Variants in CTPS2 observed in about 807,000 individuals in gnomAD.
CTPS2 encodes CTP synthase 2, also known as CTP synthase II.
In CTPS2, 19 loss-of-function variants were observed where a neutral mutation model predicts 46.8. The observed-to-expected ratio is 0.41, with a 90% CI of 0.28 to 0.60. CTPS2 has a LOEUF of 0.60. CTPS2 is among the 20% of genes least tolerant of loss of function. The probability of loss-of-function intolerance (pLI) is 0.35; values close to 1 mark genes in which losing one functional copy is unlikely to be tolerated. For missense variants in CTPS2, 286 were observed against 447.6 expected (o/e 0.64, Z 3.26); for synonymous variants, 151 against 165.2 (o/e 0.91, Z 0.66).
At chrX:16,604,389 C>T (rs1929849313) in intron 17 of CTPS2, among the ~76,000 whole-genome samples, 1 of 112,598 alleles carries the variant, frequency 8.9e-6, no homozygotes, top group African/African-American at 3.2e-5. Context: ...TCTGATCTGA[C>T]AAATAAAAAC....
chrX:16,613,023 G>A lies in CTPS2; in HGVS notation c.1547-3338C>T, dbSNP rs1027486651. ...CTACAACGTTCAAAGGAGCCTTCTT[G>A]GACTTCAATTCTCCCCTCTGCTCGG... On this transcript the variant is annotated intron_variant, in intron 16 of 18. Coordinates refer to ENST00000359276, the MANE Select transcript of CTPS2 (RefSeq NM_175859.3). 5.4e-5 allele frequency among the ~76,000 whole-genome samples: 6 copies of A among 112,131 alleles called. No homozygotes were observed. In the Admixed American group the frequency reaches 5.7e-4, roughly 11 times the overall value.
chrX:16,660,424 A>G (rs1686590332), intron 13 of CTPS2, among the ~76,000 whole-genome samples: 2 of 78,180 alleles, frequency 2.6e-5, no homozygotes, highest in African/African-American at 1.1e-4. Flanking sequence ...TTATTTTTTG[A>G]GACAGTCTTG....
At position 16,702,147 on chromosome X, in the gene CTPS2, C is replaced by G. The variant is rs564073278; in HGVS notation, c.166+590G>C. Reference sequence around the variant, plus strand: ...TTGGCTCACTGCAACCTCCGCCTGCCAGGTTCAAGTGATTCTCCTGTCTCA... The same window carrying G: ...TTGGCTCACTGCAACCTCCGCCTGCGAGGTTCAAGTGATTCTCCTGTCTCA... On this transcript the variant is annotated intron_variant, in intron 2 of 18. Coordinates refer to ENST00000359276, the MANE Select transcript of CTPS2 (RefSeq NM_175859.3). 8.1e-5 allele frequency among the ~76,000 whole-genome samples: 9 copies of G among 110,703 alleles called. No individual in the cohort carries two copies. In the South Asian group the frequency reaches 3.4e-3, roughly 42 times the overall value.
At chrX:16,627,422 G>A (rs1237992471) in intron 14 of CTPS2, among the ~76,000 whole-genome samples, 3 of 112,113 alleles carry the variant, frequency 2.7e-5, no homozygotes, top group Middle Eastern at 4.6e-3. Context: ...ACATTTAAAC[G>A]TCAGGAGATT....
intron 2 of CTPS2, 112 bp from the exon 3 acceptor site, chrX:16,699,205 C>A: frequency 2.1e-6 from 1 of 468,307 alleles, no homozygotes; most frequent in Non-Finnish European, 3.4e-6. Flanking sequence ...AAGCCATATT[C>A]TATCACCATC....
In CTPS2 at chrX:16,693,459, C is replaced by T. The variant is rs1252252843; in HGVS notation, c.467G>A (p.Gly156Glu). The T allele has an allele frequency of 8.3e-6, 10 of 1,204,549 alleles. No individual in the cohort carries two copies. The highest frequency in any genetic ancestry group is 5.3e-5 in the South Asian group (3 of 56,299). Residue 156 changes from glycine (G) to glutamate (E), a missense_variant, in exon 5 of 19, where the codon GGA becomes GAA. Physicochemically the swap from Gly to Glu is moderately conservative, Grantham distance 98. Transcript: ENST00000359276. Reference sequence around the variant, plus strand: ...TCTAAACGCCTCCACAAACGGCATTCCTTCGATGTCTCCAATGGTGCCTCC... The same window carrying T: ...TCTAAACGCCTCCACAAACGGCATTTCTTCGATGTCTCCAATGGTGCCTCC... The part of the protein sequence containing the change: ...ELGGTIGDIE[G>E]MPFVEAFRQF...
At chrX:16,709,155 C>T (rs7063516) in intron 1 of CTPS2, among the ~76,000 whole-genome samples, 19,693 of 109,291 alleles carry the variant, frequency 0.18, 1,560 homozygotes, top group Middle Eastern at 0.31. Context: ...TGGCCGGGCA[C>T]GGTGGCTCAC....
chrX:16,604,390 A>G (rs1409140764), intron 17 of CTPS2, among the ~76,000 whole-genome samples: 1 of 112,771 alleles, frequency 8.9e-6, no homozygotes, highest in African/African-American at 3.2e-5. Context: ...CTGATCTGAC[A>G]AATAAAAACT....
rs5901588 is a variant in CTPS2 at position 16,593,477 on chromosome X, C to CTTT, written c.1692-2618_1692-2616dup. ...GAATTCCCTAACAGGTGAAATTTTA[C>CTTT]TTTTTTTTTTTTTTTTGAGGAAAGG... is the stretch of plus-strand genomic sequence containing the variant. On this transcript the variant is annotated intron_variant, in intron 17 of 18. Transcript: ENST00000359276. Among the ~76,000 whole-genome samples the CTTT allele has an allele frequency of 2.9e-3, 248 of 85,174 alleles. 1 individual carries two copies. Among genetic ancestry groups the CTTT allele is most frequent in the African/African-American group, 5.7e-3 (127 of 22,341 alleles). The allele number at this position is 85,174 out of a possible 115,157, so 74.0% of individuals were successfully genotyped here.
chrX:16,639,443 C>G (rs1931934571), intron 13 of CTPS2, among the ~76,000 whole-genome samples, 200 bp from the exon 14 acceptor site: 1 of 111,283 alleles, frequency 9.0e-6, no homozygotes, highest in Admixed American at 9.6e-5. Context: ...CCATCTGCTT[C>G]TCATCTTTCA....
Position 16,590,746 on chromosome X carries a change from T to C in CTPS2, c.*41+6A>G, listed in dbSNP as rs1469586517. 1.1e-6 allele frequency: 1 copy of C among 937,383 alleles called. No homozygotes were observed. The highest frequency in any genetic ancestry group is 2.3e-5 in the Admixed American group (1 of 44,137). 77.3% of individuals were successfully genotyped at this position (937,383 alleles called of 1,213,427 possible). A position where few individuals can be genotyped will look rare whatever the true frequency, so the allele number is the denominator to read the frequency against. On this transcript the variant is annotated splice_donor_region_variant and intron_variant, in intron 18 of 18. Transcript: ENST00000359276. ...AAATGAACAATCCTCGAAGATTCCA[T>C]CTTACCCTCACAGGCAGTCCCCATT...
chrX:16,657,541 T>C (rs190096650), intron 13 of CTPS2, among the ~76,000 whole-genome samples: 173 of 111,253 alleles, frequency 1.6e-3, no homozygotes, highest in African/African-American at 5.4e-3. Context: ...CAGTAGAAAC[T>C]ATTATCATTG....
intron 13 of CTPS2, among the ~76,000 whole-genome samples, chrX:16,652,431 C>T (rs1001006198): frequency 1.5e-4 from 17 of 111,613 alleles, no homozygotes; most frequent in African/African-American, 4.6e-4. Context: ...TTCAATGACC[C>T]CAGAATCTGA....
At chrX:16,712,073 A>T (rs1339588411) in intron 1 of CTPS2, 1 of 111,297 alleles carries the variant, frequency 9.0e-6, no homozygotes, top group Non-Finnish European at 1.9e-5. Context: ...CGCGCGGGAC[A>T]GGCTCCAACC....
intron 14 of CTPS2, among the ~76,000 whole-genome samples, chrX:16,629,363 C>T (rs943285972): frequency 8.9e-6 from 1 of 111,764 alleles, no homozygotes; most frequent in Non-Finnish European, 1.9e-5. Flanking sequence ...TGGGGGCAGG[C>T]GGGGAGGCTC....
At chrX:16,643,075 T>C (rs765415330) in intron 13 of CTPS2, among the ~76,000 whole-genome samples, 2 of 111,996 alleles carry the variant, frequency 1.8e-5, no homozygotes, top group East Asian at 5.6e-4. Context: ...CATGTAAGGA[T>C]AAATATGGCA....
intron 14 of CTPS2, among the ~76,000 whole-genome samples, chrX:16,623,162 G>A (rs1930929186): frequency 9.0e-6 from 1 of 110,662 alleles, no homozygotes; most frequent in Admixed American, 9.7e-5. Context: ...ATATTTAGGG[G>A]GTACATGAGA....
intron 13 of CTPS2, among the ~76,000 whole-genome samples, chrX:16,655,544 G>A (rs59489358): frequency 0.048 from 5,296 of 111,199 alleles, 330 homozygotes; most frequent in African/African-American, 0.17. Flanking sequence ...GTTCAAGGAG[G>A]GAAGGGAACT....
intron 13 of CTPS2, chrX:16,654,550 C>A (rs201526472): frequency 1.2e-6 from 1 of 842,437 alleles, no homozygotes. Flanking sequence ...GGAGGAAGAG[C>A]GCCTGTGCTG....
Sources: allele counts gnomAD v4.1 joint callset (sites outside exome capture counted in the v4.1 genomes callset), GRCh38; gene constraint gnomAD v4.1.1; transcripts MANE v1.5; gene names NCBI Gene and HGNC (gene_info 2026-07-23, HGNC 2026-07-21).